Variants in WDR41 observed in about 807,000 individuals in gnomAD.
WDR41 encodes the protein WD repeat-containing protein 41.
Under a neutral mutation model 69.3 loss-of-function variants are expected in WDR41, and 63 were observed. That is an observed-to-expected ratio of 0.91 (90% CI 0.74 to 1.12). The LOEUF is 1.12. Among genes scored for constraint, WDR41 ranks in the 50% most tolerant of loss-of-function variants. The probability of loss-of-function intolerance (pLI) is 0.00; values close to 1 mark genes in which losing one functional copy is unlikely to be tolerated. For synonymous variants in WDR41, 185 were observed against 192.1 expected (o/e 0.96, Z 0.31); for missense variants, 543 against 534.5 (o/e 1.02, Z -0.16).
At chr5:77,510,015 C>G (rs1475996376) in intron 1 of WDR41, among the ~76,000 whole-genome samples, 1 of 152,148 alleles carries the variant, frequency 6.6e-6, no homozygotes, top group Non-Finnish European at 1.5e-5. Context: ...GATCCCCTCC[C>G]CCTTTCCTAA....
intron 1 of WDR41, among the ~76,000 whole-genome samples, chr5:77,608,406 G>C (rs926761364): frequency 6.6e-6 from 1 of 152,158 alleles, no homozygotes. Context: ...AAGTATTCAT[G>C]CCCAAAAACA....
chr5:77,432,399 G>A lies in WDR41; in HGVS notation c.*736C>T, dbSNP rs1400034598. ...GTCAGTGGTCAGATGGGGCAGTTGC[G>A]CTCAGCTGCAGTCCCTGACTCCGGA... On this transcript the variant is annotated 3_prime_UTR_variant, in exon 13 of 13. Coordinates refer to ENST00000296679, the MANE Select transcript of WDR41 (RefSeq NM_018268.4). 3.3e-5 allele frequency: 5 copies of A among 152,718 alleles called. No homozygotes were observed. The highest frequency in any genetic ancestry group is 3.9e-4 in the East Asian group (2 of 5,184). The allele number at this position is 152,718 out of a possible 1,614,324, so 9.5% of individuals were successfully genotyped here. A position where few individuals can be genotyped will look rare whatever the true frequency, so the allele number is the denominator to read the frequency against.
intron 1 of WDR41, among the ~76,000 whole-genome samples, chr5:77,531,359 G>A (rs1051071036): frequency 4.0e-5 from 6 of 151,770 alleles, no homozygotes; most frequent in African/African-American, 7.3e-5. Context: ...TTGAATAAAC[G>A]TTTTTCCAAG....
In WDR41 at chr5:77,464,817, G is replaced by A. The variant is rs777851006; in HGVS notation, c.168-8C>T. ...TCACCAGCAGATGCAAATCTGGTTA[G>A]GGAGAAAGGGTCAAGAAAAAAAAAT... On this transcript the variant is annotated splice_region_variant and splice_polypyrimidine_tract_variant and intron_variant, in intron 2 of 12. Transcript: ENST00000296679. 5 of 1,592,346 alleles carry A rather than the reference G, an allele frequency of 3.1e-6. No individual in the cohort carries two copies. In the South Asian group the frequency reaches 3.3e-5, roughly 11 times the overall value.
chr5:77,588,703 G>A (rs779101776), intron 1 of WDR41, among the ~76,000 whole-genome samples: 3 of 152,080 alleles, frequency 2.0e-5, no homozygotes, highest in African/African-American at 2.4e-5. Flanking sequence ...GCTCCTATGC[G>A]AAATAAAAGA....
chr5:77,459,005 T>C (rs747663715), intron 5 of WDR41, 57 bp downstream of exon 5: 3 of 1,285,878 alleles, frequency 2.3e-6, no homozygotes, highest in African/African-American at 1.5e-5. Flanking sequence ...CTTTAAACCA[T>C]GTCTTCTGAG....
chr5:77,433,403 T>C, intron 12 of WDR41, 116 bp from the exon 13 acceptor site: 1 of 778,046 alleles, frequency 1.3e-6, no homozygotes, highest in South Asian at 3.3e-5. Context: ...TGGATCTGGG[T>C]GTAGAACTTC....
intron 1 of WDR41, among the ~76,000 whole-genome samples, chr5:77,562,169 T>C (rs1304065644): frequency 6.6e-6 from 1 of 152,176 alleles, no homozygotes; most frequent in African/African-American, 2.4e-5. Flanking sequence ...TTAGTGCCGA[T>C]CTGCTGCGCT....
chr5:77,608,100 A>G (rs1486257719), intron 1 of WDR41, among the ~76,000 whole-genome samples: 1 of 152,204 alleles, frequency 6.6e-6, no homozygotes, highest in Non-Finnish European at 1.5e-5. Context: ...AAACCCTGGC[A>G]ATCACTATTC....
intron 2 of WDR41, among the ~76,000 whole-genome samples, chr5:77,476,073 C>T (rs993943135): frequency 9.9e-5 from 15 of 151,518 alleles, no homozygotes; most frequent in East Asian, 7.7e-4. Flanking sequence ...AGGGTATCAG[C>T]GATGGAAGAT....
chr5:77,443,898 TTTG>T (rs199892560), intron 8 of WDR41, among the ~76,000 whole-genome samples: 17,356 of 115,504 alleles, frequency 0.15, 1,817 homozygotes, highest in East Asian at 0.27. Flanking sequence ...TTTTTTTTTT[TTTG>T]AAATGAAGTC....
At chr5:77,496,383 A>T (rs928349949), upstream of WDR41, among the ~76,000 whole-genome samples, 7 of 152,116 alleles carry the variant, frequency 4.6e-5, no homozygotes, top group South Asian at 1.0e-3. Flanking sequence ...TCCACAAAAA[A>T]GGTATAGAGC....
In WDR41 at chr5:77,462,978, T is replaced by G. The variant is rs426381; in HGVS notation, c.348+117A>C. On this transcript the variant is annotated intron_variant, in intron 4 of 12. Coordinates refer to ENST00000296679, the MANE Select transcript of WDR41 (RefSeq NM_018268.4). ...TATCTTATAAGTAACAGAACAAAAATCATTTTTGCTATAACAAGAATATAC... is the reference window on the plus strand; with the variant it reads ...TATCTTATAAGTAACAGAACAAAAAGCATTTTTGCTATAACAAGAATATAC... The G allele has an allele frequency of 4.3e-6, 5 of 1,155,426 alleles. No individual in the cohort carries two copies. The East Asian group carries it at 1.4e-4, about 32-fold the overall frequency. 71.6% of individuals were successfully genotyped at this position (1,155,426 alleles called of 1,614,324 possible). A position where few individuals can be genotyped will look rare whatever the true frequency, so the allele number is the denominator to read the frequency against.
chr5:77,526,125 TAA>T (rs942496452), intron 1 of WDR41, among the ~76,000 whole-genome samples: 4 of 152,222 alleles, frequency 2.6e-5, no homozygotes, highest in Non-Finnish European at 4.4e-5. Context: ...GGAAATAGTA[TAA>T]GACATTCTCA....
At chr5:77,607,516 G>A (rs1211935773) in intron 1 of WDR41, among the ~76,000 whole-genome samples, 1 of 152,230 alleles carries the variant, frequency 6.6e-6, no homozygotes, top group African/African-American at 2.4e-5. Context: ...TAGGCATTCT[G>A]CCAGGTCTAC....
intron 1 of WDR41, among the ~76,000 whole-genome samples, chr5:77,610,321 C>G (rs962733876): frequency 6.6e-6 from 1 of 152,166 alleles, no homozygotes; most frequent in Non-Finnish European, 1.5e-5. Context: ...AAAGATATTC[C>G]TCAAGAAGAG....
In WDR41 at chr5:77,441,001, G is replaced by A. The variant is rs755771978; in HGVS notation, c.698-4C>T. The A allele has an allele frequency of 1.2e-6, 2 of 1,612,642 alleles. No individual in the cohort carries two copies. Among genetic ancestry groups the A allele is most frequent in the Non-Finnish European group, 1.7e-6 (2 of 1,179,352 alleles). ...GAGCCGGTGACAAAACTCAAATCTA[G>A]GCAAAGTTCACATATGCCTCATTAT... is the stretch of plus-strand genomic sequence containing the variant. On this transcript the variant is annotated splice_region_variant and splice_polypyrimidine_tract_variant and intron_variant, in intron 8 of 12. Transcript: ENST00000296679.
At chr5:77,441,902 A>C (rs1799183276) in intron 8 of WDR41, among the ~76,000 whole-genome samples, 1 of 152,180 alleles carries the variant, frequency 6.6e-6, no homozygotes, top group African/African-American at 2.4e-5. Flanking sequence ...AAAGGACCTG[A>C]AAAGGCAAAA....
intron 1 of WDR41, among the ~76,000 whole-genome samples, chr5:77,588,475 T>C (rs186569435): frequency 6.6e-6 from 1 of 152,300 alleles, no homozygotes; most frequent in African/African-American, 2.4e-5. Flanking sequence ...AAGATAAAGA[T>C]AAAGATTCCT....
Sources: allele counts gnomAD v4.1 joint callset (sites outside exome capture counted in the v4.1 genomes callset), GRCh38; gene constraint gnomAD v4.1.1; transcripts MANE v1.5; gene names NCBI Gene and HGNC (gene_info 2026-07-23, HGNC 2026-07-21).